The following NRXN3 variants were observed in gnomAD, a reference collection of about 807,000 sequenced individuals.
NRXN3 encodes neurexin III.
Under a neutral mutation model 137.6 loss-of-function variants are expected in NRXN3, and 32 were observed. That is an observed-to-expected ratio of 0.23 (90% CI 0.18 to 0.31). The LOEUF (loss-of-function observed/expected upper bound fraction) is 0.31. NRXN3 is among the 10% of genes least tolerant of loss of function. The probability of loss-of-function intolerance (pLI) is 1.00; values close to 1 mark genes in which losing one functional copy is unlikely to be tolerated. For synonymous variants in NRXN3, 798 were observed against 784.5 expected (o/e 1.02, Z -0.29); for missense variants, 1,574 against 2,062.5 (o/e 0.76, Z 4.59).
chr14:79,584,388 T>G (rs2097747826), intron 16 of NRXN3, among the ~76,000 whole-genome samples: 1 of 152,186 alleles, frequency 6.6e-6, no homozygotes, highest in South Asian at 2.1e-4. Flanking sequence ...ACCCTACTCT[T>G]CACAGATGGG....
chr14:79,639,530 G>GT lies in NRXN3; in HGVS notation c.3445-24246dup, dbSNP rs767511253. On this transcript the variant is annotated intron_variant, in intron 16 of 20. Transcript: ENST00000335750. ...GTGTCCTGATTAATTTTTGTTAACT[G>GT]TTATACTAAGACTTTTCACCATCAA... Among the ~76,000 whole-genome samples the GT allele has an allele frequency of 5.3e-5, 8 of 151,728 alleles. No individual in the cohort carries two copies. The East Asian group carries it at 9.8e-4, about 19-fold the overall frequency.
chr14:79,085,636 AT>A (rs964270737), intron 15 of NRXN3, among the ~76,000 whole-genome samples: 2 of 152,010 alleles, frequency 1.3e-5, no homozygotes, highest in African/African-American at 2.4e-5. Flanking sequence ...TTATGGAATG[AT>A]TTTTTTTAGA....
At position 78,852,349 on chromosome 14, in the gene NRXN3, A is replaced by G. The variant is rs1423144210; in HGVS notation, c.2275+42005A>G. Among the ~76,000 whole-genome samples the G allele has an allele frequency of 2.0e-5, 3 of 152,208 alleles. No individual in the cohort carries two copies. The East Asian group carries it at 5.8e-4, about 29-fold the overall frequency. On this transcript the variant is annotated intron_variant, in intron 10 of 20. Transcript: ENST00000335750. ...GCTGCTGTTGTAGTATTAACATCTG[A>G]CAATTTGATAATTAACAATGATTAT...
At chr14:78,489,158 G>A (rs890192832) in intron 4 of NRXN3, among the ~76,000 whole-genome samples, 7 of 152,206 alleles carry the variant, frequency 4.6e-5, no homozygotes, top group Admixed American at 2.0e-4. Context: ...TGCACAGGCT[G>A]AAAATGTCTC....
chr14:78,313,201 G>T (rs1044519530), intron 4 of NRXN3, among the ~76,000 whole-genome samples: 1 of 152,290 alleles, frequency 6.6e-6, no homozygotes, highest in East Asian at 1.9e-4. Flanking sequence ...GGATTCACAG[G>T]CTTACTGTCT....
chr14:79,000,674 A>C (rs935652084), intron 15 of NRXN3, among the ~76,000 whole-genome samples: 1 of 150,450 alleles, frequency 6.6e-6, no homozygotes, highest in Non-Finnish European at 1.5e-5. Context: ...TCATCTGGTT[A>C]GAGCTCACAT....
intron 15 of NRXN3, among the ~76,000 whole-genome samples, chr14:79,027,275 G>A (rs188787068): frequency 5.7e-4 from 86 of 151,750 alleles, no homozygotes; most frequent in African/African-American, 2.0e-3. Context: ...TTCTCCTATG[G>A]GGACATAGAC....
At chr14:78,780,903 T>A (rs531332151) in intron 8 of NRXN3, among the ~76,000 whole-genome samples, 2 of 152,292 alleles carry the variant, frequency 1.3e-5, no homozygotes, top group South Asian at 4.1e-4. Context: ...GCATTGAAGC[T>A]ACACATGACA....
At position 78,842,360 on chromosome 14, in the gene NRXN3, G is replaced by A. The variant is rs550994358; in HGVS notation, c.2275+32016G>A. 1.1e-4 allele frequency among the ~76,000 whole-genome samples: 16 copies of A among 152,124 alleles called. No individual in the cohort carries two copies. In the East Asian group the frequency reaches 2.5e-3, roughly 24 times the overall value. ...GAGACATCACATATCGGCAGGTTCCGTGATGCCCCCAAGCCACAAAACCAG... is the reference window on the plus strand; with the variant it reads ...GAGACATCACATATCGGCAGGTTCCATGATGCCCCCAAGCCACAAAACCAG... On this transcript the variant is annotated intron_variant, in intron 10 of 20. Coordinates refer to ENST00000335750, the MANE Select transcript of NRXN3 (RefSeq NM_001330195.2).
chr14:79,371,405 AT>A lies in NRXN3; in HGVS notation c.3263-95806del, dbSNP rs901598846. ...CTAGGAATAGATACTTGCATATAAT[AT>A]TTTTTTTTTGAATCCCAGACTGGTC... On this transcript the variant is annotated intron_variant, in intron 15 of 20. Transcript: ENST00000335750. Among the ~76,000 whole-genome samples, 217 of 150,078 alleles carry A rather than the reference AT, an allele frequency of 1.4e-3. 2 individuals are homozygous for A. Among genetic ancestry groups the A allele is most frequent in the Middle Eastern group, 6.9e-3 (2 of 288 alleles).
At chr14:78,844,093 G>A (rs2099020050) in intron 10 of NRXN3, among the ~76,000 whole-genome samples, 1 of 152,058 alleles carries the variant, frequency 6.6e-6, no homozygotes, top group Admixed American at 6.6e-5. Context: ...CTCTCACGGT[G>A]ACTCCATTCC....
chr14:79,774,617 A>T (rs1271215483), intron 19 of NRXN3, among the ~76,000 whole-genome samples: 1 of 152,166 alleles, frequency 6.6e-6, no homozygotes, highest in Non-Finnish European at 1.5e-5. Flanking sequence ...GACTCTGAAA[A>T]AGCATATCCA....
At chr14:78,370,091 C>G (rs912263559) in intron 4 of NRXN3, among the ~76,000 whole-genome samples, 1 of 152,150 alleles carries the variant, frequency 6.6e-6, no homozygotes, top group East Asian at 1.9e-4. Flanking sequence ...CTGTCATAGT[C>G]ATTCCCTCCT....
intron 15 of NRXN3, among the ~76,000 whole-genome samples, chr14:79,013,297 T>C (rs1278226759): frequency 6.6e-6 from 1 of 152,198 alleles, no homozygotes; most frequent in African/African-American, 2.4e-5. Context: ...CTGTAACCAT[T>C]GTGAATTTAT....
intron 15 of NRXN3, among the ~76,000 whole-genome samples, chr14:79,311,543 G>A (rs1282850502): frequency 5.8e-5 from 6 of 103,078 alleles, no homozygotes; most frequent in South Asian, 4.5e-4. Flanking sequence ...GGTAGAATTC[G>A]GCTGTGAATC....
intron 17 of NRXN3, among the ~76,000 whole-genome samples, chr14:79,664,982 T>G (rs1340234289): frequency 6.6e-6 from 1 of 152,144 alleles, no homozygotes; most frequent in Non-Finnish European, 1.5e-5. Flanking sequence ...CAAAGAAGCT[T>G]GAAGCACATT....
chr14:79,680,339 C>T (rs2098663632), intron 17 of NRXN3, among the ~76,000 whole-genome samples: 1 of 152,114 alleles, frequency 6.6e-6, no homozygotes, highest in Admixed American at 6.5e-5. Context: ...GAGCTAAGAT[C>T]CTGCCATTGT....
chr14:79,609,993 A>G (rs1317160249), intron 16 of NRXN3, among the ~76,000 whole-genome samples: 1 of 152,114 alleles, frequency 6.6e-6, no homozygotes, highest in Non-Finnish European at 1.5e-5. Flanking sequence ...GAAATTCCTA[A>G]TGTAGATTAC....
chr14:79,174,237 A>G (rs2062072480), intron 15 of NRXN3, among the ~76,000 whole-genome samples: 1 of 152,200 alleles, frequency 6.6e-6, no homozygotes, highest in South Asian at 2.1e-4. Context: ...AACCCAATAG[A>G]AAAATTGGTG....
Sources: gnomAD v4.1 joint callset for allele counts (sites outside exome capture counted in the v4.1 genomes callset) on GRCh38, gnomAD v4.1.1 for gene constraint, MANE v1.5 for transcripts, NCBI Gene and HGNC (gene_info 2026-07-23, HGNC 2026-07-21) for gene names.